The following PLCB1 variants were observed in gnomAD, a reference collection of about 807,000 sequenced individuals.
PLCB1 encodes 1-phosphatidylinositol 4,5-bisphosphate phosphodiesterase beta-1.
PLCB1 carries 46 observed loss-of-function variants against 161.8 expected under a neutral mutation model. The observed-to-expected ratio is 0.28, with a 90% CI of 0.22 to 0.36. PLCB1 has a LOEUF of 0.36. PLCB1 is among the 10% of genes least tolerant of loss of function. The pLI is 1.00. For synonymous variants in PLCB1, 517 were observed against 503.7 expected (o/e 1.03, Z -0.35); for missense variants, 1,016 against 1,472.5 (o/e 0.69, Z 5.07).
At chr20:8,174,613 A>T (rs1223455607) in intron 2 of PLCB1, among the ~76,000 whole-genome samples, 1 of 152,240 alleles carries the variant, frequency 6.6e-6, no homozygotes, top group Non-Finnish European at 1.5e-5. Context: ...TGGTTGAAAC[A>T]TTATGTTAGC....
At chr20:8,413,737 C>T (rs1979147252) in intron 3 of PLCB1, among the ~76,000 whole-genome samples, 1 of 152,142 alleles carries the variant, frequency 6.6e-6, no homozygotes, top group Non-Finnish European at 1.5e-5. Context: ...AATTTTTTAA[C>T]ATATTCTGAA....
intron 2 of PLCB1, among the ~76,000 whole-genome samples, chr20:8,240,718 G>T (rs1980565683): frequency 6.6e-6 from 1 of 151,946 alleles, no homozygotes; most frequent in Non-Finnish European, 1.5e-5. Flanking sequence ...AGAAGGTAAG[G>T]CACAGAGATT....
chr20:8,834,562 C>A (rs1986187292), intron 31 of PLCB1, among the ~76,000 whole-genome samples: 1 of 151,838 alleles, frequency 6.6e-6, no homozygotes, highest in Non-Finnish European at 1.5e-5. Flanking sequence ...CACCTGTAAT[C>A]CCAGCACTTC....
intron 3 of PLCB1, among the ~76,000 whole-genome samples, chr20:8,429,963 G>A (rs1054658062): frequency 1.3e-5 from 2 of 151,948 alleles, no homozygotes; most frequent in Non-Finnish European, 2.9e-5. Flanking sequence ...CATTTTAGCC[G>A]CAGTAAGCAC....
At position 8,632,053 on chromosome 20, in the gene PLCB1, T is replaced by TG. The variant is rs1988614149; in HGVS notation, c.384+3622_384+3623insG. 2.9e-5 allele frequency among the ~76,000 whole-genome samples: 4 copies of TG among 137,496 alleles called. No individual in the cohort carries two copies. The Admixed American group carries it at 3.1e-4, about 11-fold the overall frequency. The allele number at this position is 137,496 out of a possible 152,430, so 90.2% of individuals were successfully genotyped here. A position where few individuals can be genotyped will look rare whatever the true frequency, so the allele number is the denominator to read the frequency against. ...TTTTTTGCTTTTTTTTTTTTTTTTT[T>TG]TTTTTTTTTTTTTTGCCTGCTGAAA... On this transcript the variant is annotated intron_variant, in intron 4 of 31. Coordinates refer to ENST00000338037, the MANE Select transcript of PLCB1 (RefSeq NM_015192.4).
In PLCB1 at chr20:8,804,073, G is replaced by A. The variant is rs146539656; in HGVS notation, c.3423+13812G>A. Among the ~76,000 whole-genome samples, 585 of 152,238 alleles carry A rather than the reference G, an allele frequency of 3.8e-3. 1 individual carries two copies. Among genetic ancestry groups the A allele is most frequent in the Non-Finnish European group, 4.3e-3 (290 of 68,032 alleles). On this transcript the variant is annotated intron_variant, in intron 31 of 31. Transcript: ENST00000338037. ...CTCCCAAAGTGCTGGGATTACACGT[G>A]TGAGCCACGGTGCCTGGCCTGCCCT...
intron 3 of PLCB1, among the ~76,000 whole-genome samples, chr20:8,497,915 G>GTC (rs1198867084): frequency 6.6e-6 from 1 of 151,946 alleles, no homozygotes; most frequent in Non-Finnish European, 1.5e-5. Context: ...TCATTTTCTA[G>GTC]TCTAGTACAT....
At chr20:8,209,492 A>T (rs1978707452) in intron 2 of PLCB1, among the ~76,000 whole-genome samples, 1 of 152,092 alleles carries the variant, frequency 6.6e-6, no homozygotes, top group African/African-American at 2.4e-5. Flanking sequence ...TTTTATTGTG[A>T]TGTGTTACAT....
chr20:8,261,145 C>A (rs1981671973), intron 2 of PLCB1, among the ~76,000 whole-genome samples: 1 of 152,078 alleles, frequency 6.6e-6, no homozygotes, highest in Non-Finnish European at 1.5e-5. Flanking sequence ...TTAGAGGGTT[C>A]TTCTGAGAGC....
chr20:8,519,295 G>A (rs563476136), intron 3 of PLCB1, among the ~76,000 whole-genome samples: 34 of 152,156 alleles, frequency 2.2e-4, no homozygotes, highest in African/African-American at 5.8e-4. Flanking sequence ...AGTAGACAAC[G>A]TGTGTGAGTG....
chr20:8,513,700 C>T (rs6055870), intron 3 of PLCB1, among the ~76,000 whole-genome samples: 73,043 of 152,004 alleles, frequency 0.48, 20,540 homozygotes, highest in African/African-American at 0.78. Flanking sequence ...AATGATAAAA[C>T]GCTACCAGAA....
chr20:8,521,767 G>A (rs768164293), intron 3 of PLCB1, among the ~76,000 whole-genome samples: 4 of 152,134 alleles, frequency 2.6e-5, no homozygotes, highest in Non-Finnish European at 5.9e-5. Flanking sequence ...ACTTAAGCAT[G>A]GACTGCATTC....
chr20:8,850,108 G>A (rs532270126), intron 31 of PLCB1, among the ~76,000 whole-genome samples: 3 of 152,320 alleles, frequency 2.0e-5, no homozygotes, highest in South Asian at 4.1e-4. Context: ...GTGTAAATGT[G>A]CACAGATTTC....
intron 2 of PLCB1, among the ~76,000 whole-genome samples, chr20:8,271,674 G>A (rs1288197383): frequency 4.6e-5 from 7 of 152,088 alleles, no homozygotes; most frequent in African/African-American, 1.7e-4. Flanking sequence ...AAGGTAGAGA[G>A]TCTTGTCTCC....
intron 3 of PLCB1, among the ~76,000 whole-genome samples, chr20:8,487,259 A>G (rs917052142): frequency 6.6e-6 from 1 of 152,226 alleles, no homozygotes; most frequent in South Asian, 2.1e-4. Context: ...TCTGCAAGAC[A>G]TATTGGAATA....
chr20:8,253,707 T>C (rs6140564), intron 2 of PLCB1, among the ~76,000 whole-genome samples: 54,051 of 151,722 alleles, frequency 0.36, 9,713 homozygotes, highest in East Asian at 0.45. Flanking sequence ...GTTTTGGGTA[T>C]GAATGTTCCC....
At chr20:8,352,717 A>C (rs1168223364) in intron 2 of PLCB1, among the ~76,000 whole-genome samples, 1 of 152,126 alleles carries the variant, frequency 6.6e-6, no homozygotes, top group Non-Finnish European at 1.5e-5. Context: ...ATGGTTGTTA[A>C]CAACTGTTAA....
At chr20:8,767,113 T>C (rs1982358453) in intron 26 of PLCB1, among the ~76,000 whole-genome samples, 1 of 152,164 alleles carries the variant, frequency 6.6e-6, no homozygotes, top group Non-Finnish European at 1.5e-5. Flanking sequence ...ACCAAATGTG[T>C]TCATGAAACT....
chr20:8,234,179 T>C (rs1471247854), intron 2 of PLCB1, among the ~76,000 whole-genome samples: 1 of 152,122 alleles, frequency 6.6e-6, no homozygotes, highest in Non-Finnish European at 1.5e-5. Context: ...CTGGTGACAC[T>C]GCTGGTAAAA....
Sources: allele counts gnomAD v4.1 joint callset (sites outside exome capture counted in the v4.1 genomes callset), GRCh38; gene constraint gnomAD v4.1.1; transcripts MANE v1.5; gene names NCBI Gene and HGNC (gene_info 2026-07-23, HGNC 2026-07-21).